The following GRIK2 variants were observed in gnomAD, a reference collection of about 807,000 sequenced individuals.
The protein encoded by GRIK2 is glutamate receptor ionotropic, kainate 2.
In GRIK2, 32 loss-of-function variants were observed where a neutral mutation model predicts 100.3. The ratio of observed to expected loss-of-function variants is 0.32; its 90% confidence interval spans 0.24 to 0.43. The LOEUF (loss-of-function observed/expected upper bound fraction) is 0.43, where lower values mean the gene tolerates loss of function less well. GRIK2 is among the 20% of genes least tolerant of loss of function. The probability of loss-of-function intolerance (pLI) is 1.00; values close to 1 mark genes in which losing one functional copy is unlikely to be tolerated. For synonymous variants in GRIK2, 417 were observed against 389.4 expected (o/e 1.07, Z -0.83); for missense variants, 843 against 1,114.9 (o/e 0.76, Z 3.47).
At chr6:101,788,659 T>C (rs972010457) in intron 7 of GRIK2, among the ~76,000 whole-genome samples, 5 of 152,184 alleles carry the variant, frequency 3.3e-5, no homozygotes, top group African/African-American at 9.7e-5. Context: ...TGAATAGTGC[T>C]GCAATAAACA....
At chr6:101,636,958 C>G (rs1249757496) in intron 4 of GRIK2, among the ~76,000 whole-genome samples, 5 of 152,108 alleles carry the variant, frequency 3.3e-5, no homozygotes, top group Non-Finnish European at 7.4e-5. Context: ...TGTATCATCT[C>G]TCTGAAACAC....
At chr6:101,556,536 T>C (rs1176622947) in intron 2 of GRIK2, among the ~76,000 whole-genome samples, 1 of 151,842 alleles carries the variant, frequency 6.6e-6, no homozygotes, top group Non-Finnish European at 1.5e-5. Flanking sequence ...TTTTTAAATG[T>C]TCAATTATAG....
chr6:101,572,264 C>G (rs957981163), intron 2 of GRIK2, among the ~76,000 whole-genome samples: 1 of 151,992 alleles, frequency 6.6e-6, no homozygotes, highest in Non-Finnish European at 1.5e-5. Flanking sequence ...TTTATGTTCT[C>G]CTTGGTGCTT....
intron 2 of GRIK2, among the ~76,000 whole-genome samples, chr6:101,435,238 T>C (rs912682592): frequency 6.6e-6 from 1 of 152,144 alleles, no homozygotes; most frequent in Non-Finnish European, 1.5e-5. Flanking sequence ...TTGTGAACCA[T>C]GGAATAATCC....
chr6:101,624,974 T>G (rs1307347759), intron 3 of GRIK2, among the ~76,000 whole-genome samples: 8 of 152,170 alleles, frequency 5.3e-5, no homozygotes, highest in Non-Finnish European at 1.2e-4. Flanking sequence ...CTCACTGTGT[T>G]GCCCAGGCAG....
At chr6:101,781,294 A>G (rs1373616172) in intron 7 of GRIK2, among the ~76,000 whole-genome samples, 2 of 152,212 alleles carry the variant, frequency 1.3e-5, no homozygotes, top group Non-Finnish European at 2.9e-5. Flanking sequence ...GGCTCCTTCC[A>G]GGACAACGAC....
At chr6:101,995,475 C>G (rs925525550) in intron 14 of GRIK2, among the ~76,000 whole-genome samples, 2 of 151,816 alleles carry the variant, frequency 1.3e-5, no homozygotes, top group African/African-American at 4.8e-5. Flanking sequence ...GATATTGACT[C>G]TTTCATCCAG....
At chr6:101,425,475 G>A (rs888160168) in intron 2 of GRIK2, among the ~76,000 whole-genome samples, 4 of 152,070 alleles carry the variant, frequency 2.6e-5, no homozygotes, top group Non-Finnish European at 5.9e-5. Context: ...ACTCACAAGA[G>A]CAACTTCACA....
At chr6:101,744,371 G>GT (rs1457011280) in intron 7 of GRIK2, among the ~76,000 whole-genome samples, 1 of 151,372 alleles carries the variant, frequency 6.6e-6, no homozygotes, top group Non-Finnish European at 1.5e-5. Flanking sequence ...AATATACGAT[G>GT]TTTGGTTTTC....
intron 2 of GRIK2, among the ~76,000 whole-genome samples, chr6:101,433,939 G>A (rs887400970): frequency 2.0e-5 from 3 of 152,106 alleles, no homozygotes; most frequent in Admixed American, 1.3e-4. Flanking sequence ...TTAAAATAGC[G>A]ACTAGAGAGT....
At position 101,571,265 on chromosome 6, in the gene GRIK2, C is replaced by T. The variant is rs917823397; in HGVS notation, c.116-50684C>T. 3.9e-5 allele frequency among the ~76,000 whole-genome samples: 6 copies of T among 152,128 alleles called. No homozygotes were observed. The East Asian group carries it at 1.2e-3, about 29-fold the overall frequency. ...CCATGATGGTTTGCTGCACCCATCA[C>T]CCCAACATCTACATTAGGTATATCT... On this transcript the variant is annotated intron_variant, in intron 2 of 16. Coordinates refer to ENST00000369134, the MANE Select transcript of GRIK2 (RefSeq NM_021956.5).
At chr6:102,067,596 A>C (rs1288933174) in intron 16 of GRIK2, among the ~76,000 whole-genome samples, 1 of 151,842 alleles carries the variant, frequency 6.6e-6, no homozygotes, top group Non-Finnish European at 1.5e-5. Context: ...AGGTTCTAGC[A>C]AATCTATTTC....
At chr6:101,844,454 T>G (rs1322003598) in intron 10 of GRIK2, among the ~76,000 whole-genome samples, 1 of 152,208 alleles carries the variant, frequency 6.6e-6, no homozygotes, top group Non-Finnish European at 1.5e-5. Flanking sequence ...AAGAACGACA[T>G]GGCTTGTGAA....
chr6:101,760,692 AATT>A (rs776669314), intron 7 of GRIK2, among the ~76,000 whole-genome samples: 11 of 72,514 alleles, frequency 1.5e-4, no homozygotes, highest in African/African-American at 6.3e-4. Flanking sequence ...AATTATATAT[AATT>A]ATATATAATT....
chr6:101,489,208 A>T (rs1772981052), intron 2 of GRIK2, among the ~76,000 whole-genome samples: 1 of 146,242 alleles, frequency 6.8e-6, no homozygotes, highest in South Asian at 2.1e-4. Flanking sequence ...GATGATACAC[A>T]GCTTTATTCT....
chr6:101,576,190 T>C (rs1777778993), intron 2 of GRIK2, among the ~76,000 whole-genome samples: 1 of 151,970 alleles, frequency 6.6e-6, no homozygotes, highest in African/African-American at 2.4e-5. Flanking sequence ...CTACCACTGA[T>C]AAGGAAGGAA....
At chr6:101,876,705 A>G (rs1302370964) in intron 11 of GRIK2, among the ~76,000 whole-genome samples, 1 of 151,900 alleles carries the variant, frequency 6.6e-6, no homozygotes, top group Non-Finnish European at 1.5e-5. Context: ...GCTGTTTGTA[A>G]GGTTGTGCAG....
intron 2 of GRIK2, among the ~76,000 whole-genome samples, chr6:101,548,158 G>GCAA (rs1776339997): frequency 1.3e-5 from 2 of 152,020 alleles, no homozygotes; most frequent in Non-Finnish European, 2.9e-5. Context: ...CCCACTTTTT[G>GCAA]ATGGGGTTGT....
At chr6:101,469,496 CATT>C (rs1771836790) in intron 2 of GRIK2, among the ~76,000 whole-genome samples, 1 of 152,094 alleles carries the variant, frequency 6.6e-6, no homozygotes, top group Non-Finnish European at 1.5e-5. Context: ...GAAATGATAT[CATT>C]GATATCTAAT....
Sources: allele counts gnomAD v4.1 joint callset (sites outside exome capture counted in the v4.1 genomes callset), GRCh38; gene constraint gnomAD v4.1.1; transcripts MANE v1.5; gene names NCBI Gene and HGNC (gene_info 2026-07-23, HGNC 2026-07-21).